ERC2: variants seen among roughly 807,000 people sequenced by gnomAD.
ERC2 encodes ERC protein 2.
A neutral mutation model predicts 114.8 loss-of-function variants in ERC2; 42 were observed. That is an observed-to-expected ratio of 0.37 (90% CI 0.29 to 0.47). The LOEUF is 0.47. Among genes scored for constraint, ERC2 ranks in the 20% least tolerant of loss-of-function variants. The probability of loss-of-function intolerance (pLI) is 0.99; values close to 1 mark genes in which losing one functional copy is unlikely to be tolerated. For missense variants in ERC2, 939 were observed against 1,150.7 expected, an observed-to-expected ratio of 0.82 and a Z score of 2.66; for synonymous variants, 454 against 425.5, an observed-to-expected ratio of 1.07 and a Z score of -0.82.
At chr3:56,194,558 A>C (rs78023686) in intron 3 of ERC2, among the ~76,000 whole-genome samples, 1 of 152,208 alleles carries the variant, frequency 6.6e-6, no homozygotes, top group African/African-American at 2.4e-5. Context: ...GCTCTGGATC[A>C]GTGAGTGAGT....
intron 3 of ERC2, among the ~76,000 whole-genome samples, chr3:56,199,805 G>A (rs544109384): frequency 6.6e-6 from 1 of 152,182 alleles, no homozygotes; most frequent in Non-Finnish European, 1.5e-5. Context: ...CACTATGCCT[G>A]GCCAGCCATA....
At chr3:55,634,063 A>C (rs958414322) in intron 17 of ERC2, among the ~76,000 whole-genome samples, 25 of 152,060 alleles carry the variant, frequency 1.6e-4, no homozygotes, top group Admixed American at 3.9e-4. Context: ...TGCAGCAGAG[A>C]CCTCTGCATT....
chr3:56,083,304 G>C (rs866340033), intron 6 of ERC2, among the ~76,000 whole-genome samples: 1 of 152,160 alleles, frequency 6.6e-6, no homozygotes, highest in Non-Finnish European at 1.5e-5. Context: ...AGGATTTATG[G>C]CATGACTGTG....
At chr3:56,252,263 T>C (rs1337594419) in intron 3 of ERC2, among the ~76,000 whole-genome samples, 8 of 152,228 alleles carry the variant, frequency 5.3e-5, no homozygotes, top group Non-Finnish European at 1.2e-4. Context: ...TGAAAATTGA[T>C]CTTAATGTTA....
chr3:56,345,918 G>A (rs1469829219), intron 2 of ERC2, among the ~76,000 whole-genome samples: 3 of 152,198 alleles, frequency 2.0e-5, no homozygotes, highest in African/African-American at 7.2e-5. Flanking sequence ...TGTTGGCTGT[G>A]CCAGACCAAG....
At chr3:56,391,023 G>C (rs191678088) in intron 2 of ERC2, among the ~76,000 whole-genome samples, 199 of 152,264 alleles carry the variant, frequency 1.3e-3, no homozygotes, top group African/African-American at 4.6e-3. Context: ...TAGTTTCTTC[G>C]TCAGTTTAAT....
At chr3:56,097,574 G>A (rs2078132002) in intron 6 of ERC2, among the ~76,000 whole-genome samples, 1 of 152,024 alleles carries the variant, frequency 6.6e-6, no homozygotes, top group South Asian at 2.1e-4. Flanking sequence ...TTGAGGCAGT[G>A]GTTTCTTTGT....
intron 3 of ERC2, among the ~76,000 whole-genome samples, chr3:56,280,539 G>A (rs1462887232): frequency 1.8e-4 from 27 of 152,160 alleles, no homozygotes. Flanking sequence ...ATTCTGGACA[G>A]GCTAATCCCA....
chr3:56,289,015 G>A (rs2054907688), intron 3 of ERC2, among the ~76,000 whole-genome samples: 1 of 152,104 alleles, frequency 6.6e-6, no homozygotes, highest in South Asian at 2.1e-4. Flanking sequence ...ATAAAACTGA[G>A]CAATAGTCAG....
In ERC2 at chr3:56,296,239, T is replaced by A; in HGVS notation, c.854A>T (p.Glu285Val). ...KELFLLRKTL[E>V]EMELRIETQK... ...CGTTTCAATTCTCAGCTCCATTTCC[T>A]CTAATGTCTTCCTCAAAAGGAACAG... Residue 285 changes from glutamate (E) to valine (V), a missense_variant, in exon 3 of 18, where the codon GAG (glutamate) becomes GTG (valine). Around this residue, in one of 5 missense-constraint regions of ERC2, gnomAD observed 33 missense variants for 75.6 expected, o/e 0.44. Transcript: ENST00000288221. The A allele has an allele frequency of 1.2e-6, 2 of 1,613,996 alleles. No individual in the cohort carries two copies. Among genetic ancestry groups the A allele is most frequent in the Non-Finnish European group, 1.7e-6 (2 of 1,179,876 alleles).
intron 3 of ERC2, among the ~76,000 whole-genome samples, chr3:56,249,038 T>C (rs2051922947): frequency 6.6e-6 from 1 of 152,196 alleles, no homozygotes; most frequent in Admixed American, 6.5e-5. Context: ...TAACTCAGTG[T>C]TTTGAGAAAC....
intron 4 of ERC2, among the ~76,000 whole-genome samples, chr3:56,167,040 A>C (rs2082356634): frequency 6.6e-6 from 1 of 151,974 alleles, no homozygotes; most frequent in Non-Finnish European, 1.5e-5. Context: ...TCCTTTCTAG[A>C]CTCGTGGCTC....
chr3:56,082,724 A>T (rs1439333469), intron 6 of ERC2, among the ~76,000 whole-genome samples: 1 of 152,170 alleles, frequency 6.6e-6, no homozygotes, highest in African/African-American at 2.4e-5. Context: ...CATATGGAAC[A>T]GGGGTCCCCA....
At chr3:56,066,245 G>A (rs749542646) in intron 7 of ERC2, among the ~76,000 whole-genome samples, 10 of 152,106 alleles carry the variant, frequency 6.6e-5, no homozygotes, top group Middle Eastern at 3.2e-3. Flanking sequence ...CATTCTAACC[G>A]GCATGAGATG....
At position 55,877,035 on chromosome 3, in the gene ERC2, G is replaced by A. The variant is rs1443780915; in HGVS notation, c.2564+11354C>T. On this transcript the variant is annotated intron_variant, in intron 14 of 17. Transcript: ENST00000288221. ...AAATAAGTCAAGTTAAATCAGAGAT[G>A]AGACCCTACAAAGCTCTTCTCTCTT... 3.3e-5 allele frequency among the ~76,000 whole-genome samples: 5 copies of A among 152,196 alleles called. No individual in the cohort carries two copies. The East Asian group carries it at 9.6e-4, about 29-fold the overall frequency.
At chr3:55,805,367 T>C (rs2059448419) in intron 14 of ERC2, among the ~76,000 whole-genome samples, 2 of 151,968 alleles carry the variant, frequency 1.3e-5, no homozygotes, top group Admixed American at 1.3e-4. Flanking sequence ...ATAGAGCAGA[T>C]GTTCAATAAA....
intron 7 of ERC2, among the ~76,000 whole-genome samples, chr3:56,073,704 C>T (rs562837139): frequency 3.7e-4 from 56 of 152,304 alleles, no homozygotes; most frequent in African/African-American, 1.3e-3. Flanking sequence ...GATCTCCCAA[C>T]TCAAGAGTTC....
At chr3:56,097,502 G>A (rs1243309454) in intron 6 of ERC2, among the ~76,000 whole-genome samples, 1 of 152,086 alleles carries the variant, frequency 6.6e-6, no homozygotes, top group Non-Finnish European at 1.5e-5. Context: ...GTTTGTGTGT[G>A]GGTGTGTATA....
rs150122752 is a variant in ERC2, at chr3:55,754,870, C to G, written c.2565-19952G>C. Among the ~76,000 whole-genome samples, 511 of 152,094 alleles carry G rather than the reference C, an allele frequency of 3.4e-3. 2 individuals carry two copies. Among genetic ancestry groups the G allele is most frequent in the Non-Finnish European group, 5.6e-3 (381 of 67,980 alleles). On this transcript the variant is annotated intron_variant, in intron 14 of 17. Coordinates refer to ENST00000288221, the MANE Select transcript of ERC2 (RefSeq NM_015576.3). ...TTAAAAAAGCTAAAGTATCTATAAC[C>G]CATAAGCTGTACTAATATAGCAAAA...
Sources: allele counts gnomAD v4.1 joint callset (sites outside exome capture counted in the v4.1 genomes callset), GRCh38; gene constraint gnomAD v4.1.1; regional missense constraint gnomAD v4.1.1; transcripts MANE v1.5; gene names NCBI Gene and HGNC (gene_info 2026-07-23, HGNC 2026-07-21).